Variants in TMEM150C observed in about 807,000 individuals in gnomAD.
TMEM150C encodes tentonin 3.
TMEM150C carries 10 observed loss-of-function variants against 29.9 expected under a neutral mutation model. That is an observed-to-expected ratio of 0.33 (90% CI 0.21 to 0.57). The LOEUF is 0.57. Among genes scored for constraint, TMEM150C ranks in the 20% least tolerant of loss-of-function variants. The probability of loss-of-function intolerance (pLI) is 0.88; values close to 1 mark genes in which losing one functional copy is unlikely to be tolerated. For synonymous variants in TMEM150C, 101 were observed against 112.5 expected (o/e 0.90, Z 0.64); for missense variants, 251 against 303.6 (o/e 0.83, Z 1.29).
chr4:82,560,344 A>G (rs1386166359), intron 1 of TMEM150C, among the ~76,000 whole-genome samples: 2 of 152,336 alleles, frequency 1.3e-5, no homozygotes, highest in Non-Finnish European at 2.9e-5. Context: ...TCTATCAACT[A>G]GTCATTATTG....
chr4:82,555,484 G>A (rs1217781878), intron 1 of TMEM150C, among the ~76,000 whole-genome samples: 1 of 152,202 alleles, frequency 6.6e-6, no homozygotes, highest in African/African-American at 2.4e-5. Context: ...TTAACCTTCA[G>A]AGACCACAGG....
chr4:82,553,875 A>G (rs1725659525), intron 1 of TMEM150C, among the ~76,000 whole-genome samples: 1 of 152,222 alleles, frequency 6.6e-6, no homozygotes, highest in Non-Finnish European at 1.5e-5. Flanking sequence ...GTGCATACAT[A>G]TACAATCAAA....
chr4:82,550,297 T>C (rs1725528793), intron 1 of TMEM150C, among the ~76,000 whole-genome samples: 1 of 152,182 alleles, frequency 6.6e-6, no homozygotes, highest in Non-Finnish European at 1.5e-5. Flanking sequence ...AAGACGTGCC[T>C]GCTTCCCCTT....
chr4:82,491,662 T>C (rs1432917901), intron 6 of TMEM150C: 3 of 495,940 alleles, frequency 6.0e-6, no homozygotes, highest in Non-Finnish European at 1.1e-5. Context: ...AGAGCGCTAA[T>C]TTTTTATTTT....
At chr4:82,487,130 A>C (rs1723189592) in intron 7 of TMEM150C, among the ~76,000 whole-genome samples, 1 of 152,196 alleles carries the variant, frequency 6.6e-6, no homozygotes, top group South Asian at 2.1e-4. Flanking sequence ...AAGAGCATGA[A>C]TCAGAATCAT....
intron 1 of TMEM150C, among the ~76,000 whole-genome samples, chr4:82,534,571 C>G (rs1284843265): frequency 6.6e-6 from 1 of 152,216 alleles, no homozygotes; most frequent in Non-Finnish European, 1.5e-5. Flanking sequence ...GTGCAGATTA[C>G]TTTACAGCAG....
intron 1 of TMEM150C, among the ~76,000 whole-genome samples, chr4:82,548,092 T>G (rs1725444575): frequency 6.6e-6 from 1 of 152,196 alleles, no homozygotes. Context: ...CTCAGTGAAT[T>G]AATGCAGAAA....
intron 1 of TMEM150C, among the ~76,000 whole-genome samples, chr4:82,511,472 ATTT>A (rs397935719): frequency 5.6e-5 from 6 of 106,384 alleles, no homozygotes; most frequent in South Asian, 3.1e-4. Flanking sequence ...TCCCAACACT[ATTT>A]TTTTTTTTTT....
chr4:82,533,020 G>C (rs112238094), intron 1 of TMEM150C, among the ~76,000 whole-genome samples: 1 of 152,030 alleles, frequency 6.6e-6, no homozygotes, highest in Non-Finnish European at 1.5e-5. Context: ...GAGCCACTGC[G>C]CCCGGCCTCA....
intron 7 of TMEM150C, among the ~76,000 whole-genome samples, chr4:82,486,162 A>G (rs1483235360): frequency 6.6e-6 from 1 of 151,976 alleles, no homozygotes; most frequent in Non-Finnish European, 1.5e-5. Flanking sequence ...CCATGTATTC[A>G]ATAGCTGTAC....
chr4:82,512,722 T>C (rs1452072150), intron 1 of TMEM150C, among the ~76,000 whole-genome samples: 2 of 152,186 alleles, frequency 1.3e-5, no homozygotes, highest in African/African-American at 4.8e-5. Flanking sequence ...GTGATGGTCA[T>C]ACAACAATGT....
At chr4:82,504,794 G>C (rs1002826258) in intron 1 of TMEM150C, 127 bp from the exon 2 acceptor site, 6 of 607,042 alleles carry the variant, frequency 9.9e-6, no homozygotes, top group African/African-American at 3.7e-5. Context: ...ACTTTGGGAG[G>C]CCGAGGTGGG....
Position 82,538,000 on chromosome 4 carries a change from GA to G in TMEM150C, c.-11+23905del, listed in dbSNP as rs151261153. Reference sequence around the variant, plus strand: ...AGCCCTTGGAAACTAATACACTAAGGAAACAATCCAAGATATGAACAAAAGT... The same window carrying G: ...AGCCCTTGGAAACTAATACACTAAGGAACAATCCAAGATATGAACAAAAGT... On this transcript the variant is annotated intron_variant, in intron 1 of 7. Transcript: ENST00000449862. 7.9e-3 allele frequency among the ~76,000 whole-genome samples: 1,196 copies of G among 152,274 alleles called. 14 individuals carry two copies. Among genetic ancestry groups the G allele is most frequent in the African/African-American group, 0.028 (1,148 of 41,560 alleles).
At chr4:82,518,751 G>A (rs1724378560) in intron 1 of TMEM150C, among the ~76,000 whole-genome samples, 1 of 152,188 alleles carries the variant, frequency 6.6e-6, no homozygotes, top group South Asian at 2.1e-4. Context: ...CTTGCCACCT[G>A]CCTGCACAAC....
At chr4:82,499,714 G>A (rs550772779) in intron 5 of TMEM150C, among the ~76,000 whole-genome samples, 3 of 80,806 alleles carry the variant, frequency 3.7e-5, no homozygotes, top group South Asian at 4.0e-4. Context: ...CAGAGACTCC[G>A]TCTCCAAAAA....
At chr4:82,509,273 T>G in intron 1 of TMEM150C, among the ~76,000 whole-genome samples, 1 of 152,176 alleles carries the variant, frequency 6.6e-6, no homozygotes, top group Admixed American at 6.5e-5. Context: ...CAGTTCTCTT[T>G]GTTCCTCTCA....
chr4:82,531,800 T>TGAGGAAAGAATGTTGTCATGAAAGCC (rs1724857303), intron 1 of TMEM150C, among the ~76,000 whole-genome samples: 1 of 93,484 alleles, frequency 1.1e-5, no homozygotes. Flanking sequence ...TAGAGGAAAA[T>TGAGGAAAGAATGTTGTCATGAAAGCC]GAGGAAAGAA....
chr4:82,486,820 G>A (rs1190777995), intron 7 of TMEM150C, among the ~76,000 whole-genome samples: 1 of 152,062 alleles, frequency 6.6e-6, no homozygotes, highest in Non-Finnish European at 1.5e-5. Context: ...TGTGTGTTGT[G>A]TGTATCTGTA....
At chr4:82,523,818 T>G (rs932091773) in intron 1 of TMEM150C, among the ~76,000 whole-genome samples, 1 of 151,854 alleles carries the variant, frequency 6.6e-6, no homozygotes, top group Non-Finnish European at 1.5e-5. Context: ...GTTGGGATTA[T>G]AGGCGCCTGC....
Sources: gnomAD v4.1 joint callset for allele counts (sites outside exome capture counted in the v4.1 genomes callset) on GRCh38, gnomAD v4.1.1 for gene constraint, MANE v1.5 for transcripts, NCBI Gene and HGNC (gene_info 2026-07-23, HGNC 2026-07-21) for gene names.